The following BBOX1 variants were observed in gnomAD, a reference collection of about 807,000 sequenced individuals.
BBOX1 encodes the protein gamma-butyrobetaine dioxygenase.
A neutral mutation model predicts 41.6 loss-of-function variants in BBOX1; 35 were observed. The observed-to-expected ratio is 0.84, with a 90% CI of 0.64 to 1.11. BBOX1 has a LOEUF of 1.11. BBOX1 is among the 50% of genes most tolerant of loss of function. BBOX1 has a pLI of 0.00. For missense variants in BBOX1, 458 were observed against 460.6 expected (o/e 0.99, Z 0.05); for synonymous variants, 163 against 154.7 (o/e 1.05, Z -0.40).
intron 2 of BBOX1, among the ~76,000 whole-genome samples, chr11:27,050,856 G>A (rs1288585805): frequency 2.0e-5 from 3 of 152,006 alleles, no homozygotes; most frequent in African/African-American, 7.2e-5. Context: ...GTTCTGGCTA[G>A]GACTTCCAGT....
rs985308575 is a variant in BBOX1 at position 27,082,461 on chromosome 11, T to C, written c.335-10707T>C. ...GAGTAAAACAATTATCTATCTTTCC[T>C]GCCAACTCTAAGGAAGTCTGGGATA... On this transcript the variant is annotated intron_variant, in intron 4 of 8. Transcript: ENST00000263182. 5.9e-5 allele frequency among the ~76,000 whole-genome samples: 9 copies of C among 152,242 alleles called. No individual in the cohort carries two copies. In the East Asian group the frequency reaches 1.7e-3, roughly 29 times the overall value.
chr11:27,047,713 T>G (rs1851528735), intron 2 of BBOX1, among the ~76,000 whole-genome samples: 1 of 152,170 alleles, frequency 6.6e-6, no homozygotes, highest in African/African-American at 2.4e-5. Context: ...CGTATGCTAG[T>G]ATTTCCTAGC....
chr11:27,125,976 C>T (rs554558292), intron 8 of BBOX1, 156 bp downstream of exon 8: 50 of 700,462 alleles, frequency 7.1e-5, no homozygotes, highest in African/African-American at 5.6e-4. Context: ...GTAGTGGACT[C>T]GTGGCCCTCA....
At chr11:27,088,496 C>G (rs1285112232) in intron 4 of BBOX1, among the ~76,000 whole-genome samples, 1 of 151,898 alleles carries the variant, frequency 6.6e-6, no homozygotes, top group Non-Finnish European at 1.5e-5. Context: ...AGTGCTTTTC[C>G]TGCATTTAAA....
chr11:27,116,774 T>C (rs1276246941), intron 6 of BBOX1, among the ~76,000 whole-genome samples: 2 of 151,976 alleles, frequency 1.3e-5, no homozygotes, highest in African/African-American at 2.4e-5. Flanking sequence ...ACCTCTGCAA[T>C]GTTATATTGG....
At chr11:27,043,393 C>CTGGGGTACATGGGCAGAATGTGCAGGTT (rs1851396820) in intron 2 of BBOX1, among the ~76,000 whole-genome samples, 1 of 136,964 alleles carries the variant, frequency 7.3e-6, no homozygotes, top group Non-Finnish European at 1.7e-5. Context: ...CTTTTAAGTG[C>CTGGGGTACATGGGCAGAATGTGCAGGTT]TGGGGTACAT....
At chr11:27,089,318 G>T (rs1858154828) in intron 4 of BBOX1, among the ~76,000 whole-genome samples, 1 of 151,892 alleles carries the variant, frequency 6.6e-6, no homozygotes, top group Non-Finnish European at 1.5e-5. Context: ...CATTATTGCA[G>T]AAAGCCCTAT....
At chr11:27,086,388 C>G (rs1030917922) in intron 4 of BBOX1, among the ~76,000 whole-genome samples, 4 of 152,034 alleles carry the variant, frequency 2.6e-5, no homozygotes, top group African/African-American at 9.7e-5. Context: ...ATTCTAGGAC[C>G]ATTAAGAATT....
chr11:27,045,268 A>G (rs565199151), intron 2 of BBOX1, among the ~76,000 whole-genome samples: 1 of 152,278 alleles, frequency 6.6e-6, no homozygotes, highest in Non-Finnish European at 1.5e-5. Flanking sequence ...TGATTTTTGC[A>G]CATTGATTTT....
At chr11:27,075,424 C>A (rs931567647) in intron 4 of BBOX1, among the ~76,000 whole-genome samples, 4 of 152,126 alleles carry the variant, frequency 2.6e-5, no homozygotes, top group Non-Finnish European at 5.9e-5. Context: ...GGTATCCCTG[C>A]ATAGAAACCA....
rs11029805 is a variant in BBOX1 at position 27,052,926 on chromosome 11, A to T, written c.-38-2467A>T. On this transcript the variant is annotated intron_variant, in intron 2 of 8. Transcript: ENST00000263182. ...AGTGGAAAAAAATAGAGAAAACAGC[A>T]TATGGCAGCCAAGTCTTATCACCTT... 1.7e-3 allele frequency among the ~76,000 whole-genome samples: 261 copies of T among 151,952 alleles called. 3 individuals are homozygous for T. Among genetic ancestry groups the T allele is most frequent in the African/African-American group, 6.1e-3 (255 of 41,482 alleles).
chr11:27,106,223 T>C (rs1373028039), intron 5 of BBOX1, among the ~76,000 whole-genome samples: 10 of 151,754 alleles, frequency 6.6e-5, no homozygotes, highest in African/African-American at 1.9e-4. Context: ...AATGACAGGA[T>C]CAAATTCACA....
intron 5 of BBOX1, among the ~76,000 whole-genome samples, chr11:27,105,186 C>G (rs920535140): frequency 2.0e-5 from 3 of 152,172 alleles, no homozygotes; most frequent in African/African-American, 7.2e-5. Context: ...CAGAGCACCT[C>G]TTCCCCTCCA....
In BBOX1 at chr11:27,057,204, T is replaced by C; in HGVS notation, c.223T>C (p.Tyr75His). 1 of 1,596,830 alleles carries C rather than the reference T, an allele frequency of 6.3e-7. No individual in the cohort carries two copies. The highest frequency in any genetic ancestry group is 8.5e-7 in the Non-Finnish European group (1 of 1,175,054). ...KGLIFDRKKV[Y>H]ITWPDEHYSE... Reference sequence around the variant, plus strand: ...AATTTGCTTTTTGTGTTATAAGGTGTACATCACATGGCCCGATGAGCATTA... The same window carrying C: ...AATTTGCTTTTTGTGTTATAAGGTGCACATCACATGGCCCGATGAGCATTA... Residue 75 changes from tyrosine (Y) to histidine (H), a missense_variant, in exon 4 of 9, where the codon TAC (tyrosine) becomes CAC (histidine). Coordinates refer to ENST00000263182, the MANE Select transcript of BBOX1 (RefSeq NM_003986.3).
At chr11:27,068,343 T>C (rs1857350705) in intron 4 of BBOX1, among the ~76,000 whole-genome samples, 1 of 152,154 alleles carries the variant, frequency 6.6e-6, no homozygotes, top group Admixed American at 6.5e-5. Context: ...GAGCATTTTT[T>C]CATGTTTGTT....
At chr11:27,114,678 A>G (rs571684026) in intron 5 of BBOX1, among the ~76,000 whole-genome samples, 9 of 151,602 alleles carry the variant, frequency 5.9e-5, no homozygotes, top group Admixed American at 2.0e-4. Flanking sequence ...AATTGTTCTG[A>G]GGCAACTGAA....
intron 2 of BBOX1, among the ~76,000 whole-genome samples, chr11:27,043,636 C>A (rs975178845): frequency 2.0e-5 from 3 of 152,132 alleles, no homozygotes; most frequent in African/African-American, 7.2e-5. Flanking sequence ...ATGTTCCCCT[C>A]CCTGTGTCCA....
chr11:27,046,495 C>A (rs1455384148), intron 2 of BBOX1, among the ~76,000 whole-genome samples: 2 of 151,532 alleles, frequency 1.3e-5, no homozygotes, highest in East Asian at 3.9e-4. Context: ...TAAAAGAAAC[C>A]TATCCCATCA....
chr11:27,114,502 C>T (rs187153011), intron 5 of BBOX1, among the ~76,000 whole-genome samples: 8 of 151,820 alleles, frequency 5.3e-5, no homozygotes, highest in East Asian at 3.9e-4. Context: ...AATTTAACTA[C>T]GAATCTACAG....
Sources: allele counts gnomAD v4.1 joint callset (sites outside exome capture counted in the v4.1 genomes callset), GRCh38; gene constraint gnomAD v4.1.1; transcripts MANE v1.5; gene names NCBI Gene and HGNC (gene_info 2026-07-23, HGNC 2026-07-21).